The following GAS2 variants were observed in gnomAD, a reference collection of about 807,000 sequenced individuals.
GAS2 encodes growth arrest specific 2.
A neutral mutation model predicts 37.5 loss-of-function variants in GAS2; 20 were observed. The observed-to-expected ratio is 0.53, with a 90% confidence interval of 0.37 to 0.77. The LOEUF is 0.77. Among genes scored for constraint, GAS2 ranks in the 30% least tolerant of loss-of-function variants. GAS2 has a pLI of 0.00. For missense variants in GAS2, 336 were observed against 373.4 expected (o/e 0.90, Z 0.82); for synonymous variants, 144 against 132.2 (o/e 1.09, Z -0.61).
chr11:22,782,739 A>AT (rs796733876), intron 7 of GAS2, among the ~76,000 whole-genome samples: 2,963 of 146,692 alleles, frequency 0.02, 52 homozygotes, highest in African/African-American at 0.047. Flanking sequence ...AAAAAAAAAA[A>AT]AATAATAATA....
intron 1 of GAS2, among the ~76,000 whole-genome samples, chr11:22,656,807 G>A (rs181137974): frequency 1.3e-5 from 2 of 151,786 alleles, no homozygotes; most frequent in Non-Finnish European, 2.9e-5. Flanking sequence ...TGTGTGTGTC[G>A]AGGAGGCGTA....
chr11:22,679,679 A>G (rs906669398), intron 2 of GAS2, among the ~76,000 whole-genome samples: 1 of 152,104 alleles, frequency 6.6e-6, no homozygotes, highest in Non-Finnish European at 1.5e-5. Context: ...TTTTCAATTA[A>G]TATTTGTCTA....
chr11:22,767,359 TAA>T (rs1261043513), intron 7 of GAS2, among the ~76,000 whole-genome samples: 1 of 152,088 alleles, frequency 6.6e-6, no homozygotes, highest in Middle Eastern at 3.2e-3. Flanking sequence ...AGTTTTTTTT[TAA>T]AAAACTTTGT....
At chr11:22,721,456 G>T (rs190156655) in intron 3 of GAS2, among the ~76,000 whole-genome samples, 17 of 152,094 alleles carry the variant, frequency 1.1e-4, no homozygotes, top group Admixed American at 9.2e-4. Flanking sequence ...TACACCCAGG[G>T]TAACTACTGG....
chr11:22,781,285 C>A (rs1166046378), intron 7 of GAS2, among the ~76,000 whole-genome samples: 1 of 152,038 alleles, frequency 6.6e-6, no homozygotes, highest in African/African-American at 2.4e-5. Flanking sequence ...GGGGGGTCTC[C>A]TAGAAGGCCC....
At chr11:22,627,072 C>T (rs1419257885) in intron 1 of GAS2, among the ~76,000 whole-genome samples, 5 of 152,122 alleles carry the variant, frequency 3.3e-5, no homozygotes, top group East Asian at 3.9e-4. Flanking sequence ...GGATTAGAGG[C>T]GTGTGCCACC....
chr11:22,632,857 T>C (rs1030313330), intron 1 of GAS2, among the ~76,000 whole-genome samples: 8 of 152,060 alleles, frequency 5.3e-5, no homozygotes, highest in African/African-American at 1.9e-4. Context: ...TTAAAACTTT[T>C]CCCTGCATTT....
intron 3 of GAS2, among the ~76,000 whole-genome samples, chr11:22,714,455 C>G (rs566827724): frequency 2.6e-5 from 4 of 152,072 alleles, no homozygotes; most frequent in African/African-American, 9.7e-5. Context: ...ACTGACAGCA[C>G]TAGATAGATC....
At chr11:22,802,266 C>G (rs2134648375) in intron 7 of GAS2, among the ~76,000 whole-genome samples, 1 of 151,648 alleles carries the variant, frequency 6.6e-6, no homozygotes, top group South Asian at 2.1e-4. Flanking sequence ...AATGAGAACG[C>G]TTGGACACAG....
intron 1 of GAS2, among the ~76,000 whole-genome samples, chr11:22,655,059 G>A (rs1382081230): frequency 2.0e-5 from 3 of 152,134 alleles, no homozygotes; most frequent in Non-Finnish European, 4.4e-5. Context: ...AACCTGATCA[G>A]AGCCTCCTCT....
intron 4 of GAS2, chr11:22,731,302 A>G (rs550268411): frequency 3.7e-5 from 16 of 438,268 alleles, no homozygotes; most frequent in South Asian, 2.3e-4. Flanking sequence ...TAATTGTGTC[A>G]ATATCATTAT....
At chr11:22,716,727 T>C (rs969341746) in intron 3 of GAS2, among the ~76,000 whole-genome samples, 2 of 151,866 alleles carry the variant, frequency 1.3e-5, no homozygotes, top group Admixed American at 6.6e-5. Context: ...ACTGATGATA[T>C]GATGATATAC....
chr11:22,733,053 A>G, intron 4 of GAS2, among the ~76,000 whole-genome samples: 1 of 151,538 alleles, frequency 6.6e-6, no homozygotes, highest in East Asian at 1.9e-4. Flanking sequence ...ATAAACTCCC[A>G]TGCCATGCCT....
At chr11:22,692,545 A>G (rs1280363004) in intron 3 of GAS2, among the ~76,000 whole-genome samples, 1 of 152,210 alleles carries the variant, frequency 6.6e-6, no homozygotes, top group Non-Finnish European at 1.5e-5. Context: ...GGATGCTTCC[A>G]GGTCACTGAC....
chr11:22,714,191 G>A (rs539067192), intron 3 of GAS2, among the ~76,000 whole-genome samples: 23 of 151,782 alleles, frequency 1.5e-4, no homozygotes, highest in African/African-American at 4.1e-4. Flanking sequence ...GATATTCCAT[G>A]CAAATGGAAA....
intron 1 of GAS2, among the ~76,000 whole-genome samples, chr11:22,650,732 A>G (rs1374657303): frequency 9.2e-5 from 14 of 152,200 alleles, no homozygotes; most frequent in Non-Finnish European, 1.5e-4. Context: ...CAGAGACTAG[A>G]ATTGCAACCC....
chr11:22,760,967 T>A (rs1854363479), intron 7 of GAS2, among the ~76,000 whole-genome samples: 1 of 152,136 alleles, frequency 6.6e-6, no homozygotes, highest in Non-Finnish European at 1.5e-5. Flanking sequence ...GTGGGGAGGT[T>A]TTTTGGAGTC....
At chr11:22,747,006 A>G (rs80345316) in intron 5 of GAS2, among the ~76,000 whole-genome samples, 2,104 of 152,312 alleles carry the variant, frequency 0.014, 57 homozygotes, top group African/African-American at 0.048. Context: ...AGAATTCAGC[A>G]TAATCAATGA....
intron 1 of GAS2, among the ~76,000 whole-genome samples, chr11:22,647,318 A>G (rs950592955): frequency 2.6e-5 from 4 of 152,096 alleles, no homozygotes; most frequent in African/African-American, 9.6e-5. Context: ...AATCCAGTCT[A>G]TCATTGTTGG....
Sources: gnomAD v4.1 joint callset for allele counts (sites outside exome capture counted in the v4.1 genomes callset) on GRCh38, gnomAD v4.1.1 for gene constraint, MANE v1.5 for transcripts, NCBI Gene and HGNC (gene_info 2026-07-23, HGNC 2026-07-21) for gene names.